The following CDK14 variants were observed in gnomAD, a reference collection of about 807,000 sequenced individuals.
The protein encoded by CDK14 is cyclin-dependent kinase 14.
CDK14 carries 34 observed loss-of-function variants against 60.7 expected under a neutral mutation model. The observed-to-expected ratio is 0.56, with a 90% CI of 0.43 to 0.75. The LOEUF is 0.75. Among genes scored for constraint, CDK14 ranks in the 30% least tolerant of loss-of-function variants. CDK14 has a pLI of 0.00. For missense variants in CDK14, 482 were observed against 564.1 expected, an observed-to-expected ratio of 0.85 and a Z score of 1.47; for synonymous variants, 197 against 203.7, an observed-to-expected ratio of 0.97 and a Z score of 0.28.
At chr7:90,750,805 G>A (rs749661198) in intron 4 of CDK14, among the ~76,000 whole-genome samples, 18 of 151,962 alleles carry the variant, frequency 1.2e-4, no homozygotes, top group South Asian at 4.2e-4. Context: ...CCTGCGAGGC[G>A]GAGGTTGCAG....
At chr7:90,608,632 CAT>C (rs1799470483) in intron 2 of CDK14, 2 of 677,016 alleles carry the variant, frequency 3.0e-6, no homozygotes, top group Non-Finnish European at 3.6e-6. Flanking sequence ...CAAAGAATTT[CAT>C]ATGTTTATGG....
intron 4 of CDK14, among the ~76,000 whole-genome samples, chr7:90,757,037 G>T (rs943693427): frequency 8.5e-5 from 13 of 152,146 alleles, no homozygotes; most frequent in African/African-American, 3.1e-4. Context: ...AGTTCTAGAG[G>T]CTAGAAGTCT....
intron 6 of CDK14, among the ~76,000 whole-genome samples, chr7:90,864,379 C>T (rs534010938): frequency 6.6e-6 from 1 of 152,154 alleles, no homozygotes; most frequent in Non-Finnish European, 1.5e-5. Context: ...TTGTTTAATC[C>T]ATGATTTTTG....
intron 2 of CDK14, among the ~76,000 whole-genome samples, chr7:90,713,849 T>C (rs892185663): frequency 6.6e-6 from 1 of 152,096 alleles, no homozygotes; most frequent in Non-Finnish European, 1.5e-5. Flanking sequence ...ACATGTTACT[T>C]AATTCATGTG....
intron 5 of CDK14, among the ~76,000 whole-genome samples, chr7:90,806,832 G>C (rs189338941): frequency 2.6e-5 from 4 of 152,216 alleles, no homozygotes; most frequent in Non-Finnish European, 5.9e-5. Flanking sequence ...CCCGTGCCTG[G>C]CTCTGAGGGT....
intron 13 of CDK14, 137 bp downstream of exon 13, chr7:91,112,818 T>C: frequency 1.2e-6 from 1 of 863,862 alleles, no homozygotes; most frequent in African/African-American, 1.7e-5. Flanking sequence ...GTATGTGCAT[T>C]ACAGGTGTGT....
At chr7:91,058,514 G>T (rs989677226) in intron 11 of CDK14, among the ~76,000 whole-genome samples, 1 of 152,124 alleles carries the variant, frequency 6.6e-6, no homozygotes, top group African/African-American at 2.4e-5. Flanking sequence ...TCCAGTTTTT[G>T]CCCATTCAGT....
At chr7:90,998,856 T>C (rs912265642) in intron 10 of CDK14, among the ~76,000 whole-genome samples, 3 of 151,986 alleles carry the variant, frequency 2.0e-5, no homozygotes, top group African/African-American at 7.3e-5. Flanking sequence ...GCCACTGCAC[T>C]CCAGCCTGGG....
chr7:91,008,848 A>G (rs933079985), intron 10 of CDK14, among the ~76,000 whole-genome samples: 2 of 152,184 alleles, frequency 1.3e-5, no homozygotes, highest in African/African-American at 4.8e-5. Context: ...AATTTTAATT[A>G]CTTTATCAGG....
intron 3 of CDK14, among the ~76,000 whole-genome samples, chr7:90,742,098 T>C (rs997958596): frequency 2.0e-5 from 3 of 152,070 alleles, no homozygotes; most frequent in Non-Finnish European, 4.4e-5. Flanking sequence ...CTTGGCCTTT[T>C]GTTTAATTAG....
chr7:91,061,234 A>G (rs1797775238), intron 11 of CDK14, among the ~76,000 whole-genome samples: 2 of 152,140 alleles, frequency 1.3e-5, no homozygotes, highest in South Asian at 2.1e-4. Context: ...TTCTTGTGCC[A>G]TGGTTTTCAG....
chr7:90,930,205 C>A (rs1424929732), intron 8 of CDK14, among the ~76,000 whole-genome samples: 1 of 151,386 alleles, frequency 6.6e-6, no homozygotes, highest in Non-Finnish European at 1.5e-5. Flanking sequence ...TGGAAATATG[C>A]ATAAATGAAG....
chr7:90,968,529 C>T (rs1194067868), intron 9 of CDK14, among the ~76,000 whole-genome samples: 2 of 151,862 alleles, frequency 1.3e-5, no homozygotes, highest in African/African-American at 4.8e-5. Context: ...ACAATAGATT[C>T]CAAGAGTGGG....
At chr7:91,057,545 T>C (rs1462171608) in intron 11 of CDK14, among the ~76,000 whole-genome samples, 4 of 152,282 alleles carry the variant, frequency 2.6e-5, no homozygotes, top group Non-Finnish European at 5.9e-5. Context: ...TTAGGTCTAA[T>C]GGTTAAGTCT....
intron 2 of CDK14, among the ~76,000 whole-genome samples, chr7:90,611,531 G>A (rs1273937449): frequency 2.0e-5 from 3 of 152,042 alleles, no homozygotes; most frequent in Admixed American, 6.5e-5. Flanking sequence ...CTCCAACCCC[G>A]CATCCAGGTG....
intron 5 of CDK14, among the ~76,000 whole-genome samples, chr7:90,857,243 T>G (rs916471739): frequency 3.3e-5 from 5 of 152,190 alleles, no homozygotes; most frequent in Admixed American, 6.5e-5. Flanking sequence ...TCTTCCAAGT[T>G]GGAGTGAAAA....
At chr7:90,680,002 G>A (rs1415898125) in intron 2 of CDK14, among the ~76,000 whole-genome samples, 1 of 152,104 alleles carries the variant, frequency 6.6e-6, no homozygotes, top group African/African-American at 2.4e-5. Context: ...ATTACTATGT[G>A]TAATCAAGTA....
intron 12 of CDK14, among the ~76,000 whole-genome samples, chr7:91,082,950 A>G (rs1374882851): frequency 2.0e-5 from 3 of 152,190 alleles, no homozygotes; most frequent in African/African-American, 7.2e-5. Context: ...AAGTCGATCT[A>G]AAATTTTCTA....
chr7:90,856,884 A>C (rs1024730327), intron 5 of CDK14, among the ~76,000 whole-genome samples: 1 of 152,150 alleles, frequency 6.6e-6, no homozygotes, highest in Non-Finnish European at 1.5e-5. Flanking sequence ...ATGAGTAGTC[A>C]TTCTGGGAAA....
Sources: allele counts gnomAD v4.1 joint callset (sites outside exome capture counted in the v4.1 genomes callset), GRCh38; gene constraint gnomAD v4.1.1; transcripts MANE v1.5; gene names NCBI Gene and HGNC (gene_info 2026-07-23, HGNC 2026-07-21).